The following DEUP1 variants were observed in gnomAD, a reference collection of about 807,000 sequenced individuals.
DEUP1 encodes coiled-coil domain containing 67.
DEUP1 carries 82 observed loss-of-function variants against 87.4 expected under a neutral mutation model. The ratio of observed to expected loss-of-function variants is 0.94; its 90% CI spans 0.78 to 1.13. The LOEUF is 1.13. Ranked by LOEUF, DEUP1 falls within the 50% of genes most tolerant of loss-of-function variation. The pLI, the probability that DEUP1 is intolerant of heterozygous loss-of-function variation, is 0.00. For missense variants in DEUP1, 663 were observed against 681.5 expected (o/e 0.97, Z 0.30); for synonymous variants, 214 against 222.7 (o/e 0.96, Z 0.35).
rs79381262 is a variant in DEUP1, at chr11:93,340,891, G to A, written c.29+8603G>A. Among the ~76,000 whole-genome samples the A allele has an allele frequency of 6.7e-3, 1,013 of 152,296 alleles. 7 individuals carry two copies. The highest frequency in any genetic ancestry group is 0.023 in the African/African-American group (944 of 41,568). ...ATATATCCAAGTGAAGACGTTTGTC[G>A]TATGTCCAAGTGAAGCTGCCTGTAT... On this transcript the variant is annotated intron_variant, in intron 2 of 13. Transcript: ENST00000298050.
At chr11:93,378,614 G>T (rs190415213) in intron 7 of DEUP1, among the ~76,000 whole-genome samples, 1 of 151,890 alleles carries the variant, frequency 6.6e-6, no homozygotes, top group African/African-American at 2.4e-5. Flanking sequence ...CATTGCTGGC[G>T]AGCTAGTGTG....
intron 9 of DEUP1, among the ~76,000 whole-genome samples, chr11:93,393,072 C>T (rs1309409709): frequency 7.8e-6 from 1 of 128,292 alleles, no homozygotes; most frequent in Non-Finnish European, 1.5e-5. Context: ...CCTCCTTCTT[C>T]TTCTCTTCCT....
At chr11:93,336,321 A>G (rs1256158288) in intron 2 of DEUP1, among the ~76,000 whole-genome samples, 1 of 152,054 alleles carries the variant, frequency 6.6e-6, no homozygotes, top group Non-Finnish European at 1.5e-5. Flanking sequence ...CGCCCTCATG[A>G]TTCAGTCACC....
intron 9 of DEUP1, among the ~76,000 whole-genome samples, chr11:93,393,860 G>C (rs1019118144): frequency 1.3e-5 from 2 of 152,138 alleles, no homozygotes; most frequent in Non-Finnish European, 2.9e-5. Context: ...GGGTGGAGAG[G>C]AGTCAGAGAC....
intron 3 of DEUP1, among the ~76,000 whole-genome samples, chr11:93,356,459 A>G (rs1042373222): frequency 2.0e-5 from 3 of 152,204 alleles, no homozygotes; most frequent in African/African-American, 7.2e-5. Flanking sequence ...TGCCTTTTAA[A>G]GAGACAAATT....
intron 11 of DEUP1, among the ~76,000 whole-genome samples, chr11:93,397,848 A>G (rs1185983185): frequency 6.6e-6 from 1 of 152,188 alleles, no homozygotes; most frequent in African/African-American, 2.4e-5. Context: ...GAACACCTCT[A>G]CAAATCAGTA....
At chr11:93,405,214 G>C (rs1947234557) in intron 11 of DEUP1, among the ~76,000 whole-genome samples, 1 of 151,724 alleles carries the variant, frequency 6.6e-6, no homozygotes, top group South Asian at 2.1e-4. Context: ...TTTCAACCAG[G>C]TCTGCCCATA....
chr11:93,380,794 TA>T (rs914127161), intron 7 of DEUP1, among the ~76,000 whole-genome samples: 4 of 152,066 alleles, frequency 2.6e-5, no homozygotes, highest in African/African-American at 7.2e-5. Flanking sequence ...TTTGTTCATT[TA>T]AAAAAAATTA....
In DEUP1 at chr11:93,437,433, T is replaced by C. The variant is rs1394859926; in HGVS notation, c.1639-110T>C. ...ATTCAGCCCAGGATGTATTCTTTCATTAAGAGCTGCGGTGTTTGACAGTAT... is the reference window on the plus strand; with the variant it reads ...ATTCAGCCCAGGATGTATTCTTTCACTAAGAGCTGCGGTGTTTGACAGTAT... On this transcript the variant is annotated intron_variant, in intron 13 of 13. Coordinates refer to ENST00000298050, the MANE Select transcript of DEUP1 (RefSeq NM_181645.4). 99 of 761,378 alleles carry C rather than the reference T, an allele frequency of 1.3e-4. 1 individual carries two copies. In the South Asian group the frequency reaches 1.9e-3, roughly 15 times the overall value. The allele number at this position is 761,378 out of a possible 1,614,324, so 47.2% of individuals were successfully genotyped here. A position where few individuals can be genotyped will look rare whatever the true frequency, so the allele number is the denominator to read the frequency against.
At chr11:93,382,865 C>A (rs889548829) in intron 7 of DEUP1, among the ~76,000 whole-genome samples, 1 of 152,144 alleles carries the variant, frequency 6.6e-6, no homozygotes, top group Non-Finnish European at 1.5e-5. Flanking sequence ...CTGTTCAAAA[C>A]GGAGGCTTTA....
intron 9 of DEUP1, among the ~76,000 whole-genome samples, chr11:93,393,192 A>T: frequency 6.9e-6 from 1 of 145,880 alleles, no homozygotes; most frequent in Non-Finnish European, 1.5e-5. Flanking sequence ...GGCTTAAGGG[A>T]TCCTCCCACC....
intron 4 of DEUP1, among the ~76,000 whole-genome samples, chr11:93,358,650 C>G (rs542699352): frequency 3.0e-3 from 459 of 152,238 alleles, no homozygotes; most frequent in African/African-American, 0.011. Flanking sequence ...GTGGCATGAT[C>G]TCCCCTCACT....
chr11:93,376,790 G>C (rs1018898661), intron 7 of DEUP1, among the ~76,000 whole-genome samples: 5 of 152,126 alleles, frequency 3.3e-5, no homozygotes, highest in Non-Finnish European at 7.4e-5. Flanking sequence ...TGCTTTTGCT[G>C]TATCCCAGAG....
intron 2 of DEUP1, among the ~76,000 whole-genome samples, chr11:93,344,577 A>G (rs79467687): frequency 0.017 from 2,560 of 152,024 alleles, 30 homozygotes; most frequent in East Asian, 0.063. Flanking sequence ...CCCACGCTCC[A>G]CACCCATTTC....
rs747045929 is a variant in DEUP1 at position 93,371,285 on chromosome 11, A to G, written c.789+5A>G. The stretch of plus-strand genomic sequence containing the variant: ...ATGTACCAAAGACAGTGCCAGGTGA[A>G]GATTAATTTTTTTTCAACTAATATT... On this transcript the variant is annotated splice_donor_5th_base_variant and intron_variant, in intron 7 of 13. Transcript: ENST00000298050. 3.1e-6 allele frequency: 5 copies of G among 1,606,906 alleles called. No homozygotes were observed.
chr11:93,374,724 T>C (rs1377318952), intron 7 of DEUP1, among the ~76,000 whole-genome samples: 1 of 152,162 alleles, frequency 6.6e-6, no homozygotes, highest in Non-Finnish European at 1.5e-5. Context: ...GCCTCCAGAT[T>C]TGTTCTTTTT....
At chr11:93,416,783 A>C (rs1312474903) in intron 13 of DEUP1, among the ~76,000 whole-genome samples, 1 of 151,246 alleles carries the variant, frequency 6.6e-6, no homozygotes, top group African/African-American at 2.4e-5. Context: ...ATCCTCAATA[A>C]AATACTGGCA....
At position 93,332,211 on chromosome 11, in the gene DEUP1, A is replaced by G. The variant is rs1943526411; in HGVS notation, c.-44-5A>G. The G allele has an allele frequency of 2.6e-6, 4 of 1,547,372 alleles. No homozygotes were observed. Among genetic ancestry groups the G allele is most frequent in the Middle Eastern group, 3.3e-4 (2 of 5,976 alleles). ...TAGGAACTTGTATCATTTTCCTCCT[A>G]ACAGATTAAAAATCAAGAAATATAA... On this transcript the variant is annotated splice_region_variant and splice_polypyrimidine_tract_variant and intron_variant, in intron 1 of 13. Coordinates refer to ENST00000298050, the MANE Select transcript of DEUP1 (RefSeq NM_181645.4).
chr11:93,361,281 A>G (rs1049403127), intron 4 of DEUP1, among the ~76,000 whole-genome samples: 2 of 152,174 alleles, frequency 1.3e-5, no homozygotes, highest in Admixed American at 1.3e-4. Flanking sequence ...ATGGCTAAAG[A>G]AAGTTCTCTT....
Sources: gnomAD v4.1 joint callset for allele counts (sites outside exome capture counted in the v4.1 genomes callset) on GRCh38, gnomAD v4.1.1 for gene constraint, MANE v1.5 for transcripts, NCBI Gene and HGNC (gene_info 2026-07-23, HGNC 2026-07-21) for gene names.